The following PHYHIPL variants were observed in gnomAD, a reference collection of about 807,000 sequenced individuals.
PHYHIPL encodes phytanoyl-CoA 2-hydroxylase interacting protein like.
In PHYHIPL, 9 loss-of-function variants were observed where a neutral mutation model predicts 33.4. The ratio of observed to expected loss-of-function variants is 0.27; its 90% CI spans 0.16 to 0.47. The LOEUF (loss-of-function observed/expected upper bound fraction) is 0.47, where lower values mean the gene tolerates loss of function less well. Among genes scored for constraint, PHYHIPL ranks in the 20% least tolerant of loss-of-function variants. PHYHIPL has a pLI of 0.99. For missense variants in PHYHIPL, 365 were observed against 460.7 expected, an observed-to-expected ratio of 0.79 and a Z score of 1.90; for synonymous variants, 153 against 154.1, an observed-to-expected ratio of 0.99 and a Z score of 0.05.
intron 1 of PHYHIPL, among the ~76,000 whole-genome samples, chr10:59,212,465 C>T (rs1390182328): frequency 2.0e-5 from 3 of 152,162 alleles, no homozygotes; most frequent in Admixed American, 6.5e-5. Context: ...ACAAGTAGCC[C>T]AGTCTCAGGC....
At chr10:59,205,641 C>G (rs2133227816) in intron 1 of PHYHIPL, among the ~76,000 whole-genome samples, 1 of 152,226 alleles carries the variant, frequency 6.6e-6, no homozygotes, top group East Asian at 1.9e-4. Flanking sequence ...CATCATCCTA[C>G]TTCAGCTAAT....
intron 4 of PHYHIPL, among the ~76,000 whole-genome samples, chr10:59,239,235 GACTT>G (rs1237608825): frequency 1.3e-5 from 2 of 151,962 alleles, no homozygotes; most frequent in Non-Finnish European, 2.9e-5. Flanking sequence ...AAGTTTGTTG[GACTT>G]ACAGTTCCAC....
chr10:59,209,307 A>G (rs1839379277), intron 1 of PHYHIPL, among the ~76,000 whole-genome samples: 1 of 152,128 alleles, frequency 6.6e-6, no homozygotes, highest in Non-Finnish European at 1.5e-5. Flanking sequence ...TTCAATCCAG[A>G]ATTTCATATC....
chr10:59,173,958 T>G (rs1838210281), upstream of PHYHIPL, among the ~76,000 whole-genome samples: 1 of 131,040 alleles, frequency 7.6e-6, no homozygotes, highest in African/African-American at 3.3e-5. Context: ...TTTTTTTTTT[T>G]TTGGGGAGGA....
chr10:59,181,364 A>T (rs1356615110), intron 1 of PHYHIPL, among the ~76,000 whole-genome samples: 1 of 152,142 alleles, frequency 6.6e-6, no homozygotes. Context: ...ATAATCTGTA[A>T]ATTCTGAATT....
chr10:59,184,831 G>T (rs1838525866), intron 1 of PHYHIPL, among the ~76,000 whole-genome samples: 1 of 145,532 alleles, frequency 6.9e-6, no homozygotes, highest in African/African-American at 2.5e-5. Flanking sequence ...CCAGGTGTGT[G>T]ATGTTCCCCT....
chr10:59,234,588 A>G (rs1054631923), intron 2 of PHYHIPL, 88 bp downstream of exon 2: 1 of 903,188 alleles, frequency 1.1e-6, no homozygotes, highest in Non-Finnish European at 1.6e-6. Context: ...ATATTCTATT[A>G]ATGGCTTATG....
At position 59,233,915 on chromosome 10, in the gene PHYHIPL, C is replaced by T. The variant is rs116096294; in HGVS notation, c.107-389C>T. ...AAAGAGGAGGGGGAATTTTTATAGACTGTCACTGCTAGGTCATGGACTTTT... is the reference window on the plus strand; with the variant it reads ...AAAGAGGAGGGGGAATTTTTATAGATTGTCACTGCTAGGTCATGGACTTTT... On this transcript the variant is annotated intron_variant, in intron 1 of 4. Transcript: ENST00000373880. Among the ~76,000 whole-genome samples, 1,446 of 151,834 alleles carry T rather than the reference C, an allele frequency of 9.5e-3. 5 individuals are homozygous for T. Among genetic ancestry groups the T allele is most frequent in the Admixed American group, 0.02 (311 of 15,218 alleles).
chr10:59,226,516 G>A (rs1480675881), intron 1 of PHYHIPL, among the ~76,000 whole-genome samples: 1 of 152,056 alleles, frequency 6.6e-6, no homozygotes, highest in African/African-American at 2.4e-5. Flanking sequence ...TGGTGGTGGT[G>A]GTGGAATCAT....
chr10:59,182,328 T>C (rs1323562910), intron 1 of PHYHIPL, among the ~76,000 whole-genome samples: 1 of 152,196 alleles, frequency 6.6e-6, no homozygotes, highest in Non-Finnish European at 1.5e-5. Flanking sequence ...TTTTTAAACT[T>C]TAAAATATTT....
chr10:59,239,538 T>C (rs1385936752), intron 4 of PHYHIPL, among the ~76,000 whole-genome samples: 1 of 152,042 alleles, frequency 6.6e-6, no homozygotes, highest in Non-Finnish European at 1.5e-5. Flanking sequence ...TCAGCTGTTA[T>C]CTTGAATTAA....
At position 59,198,385 on chromosome 10, in the gene PHYHIPL, A is replaced by G. The variant is rs190351356; in HGVS notation, c.106+21426A>G. 5.7e-3 allele frequency among the ~76,000 whole-genome samples: 868 copies of G among 152,198 alleles called. 13 individuals carry two copies. Among genetic ancestry groups the G allele is most frequent in the African/African-American group, 0.02 (821 of 41,518 alleles). ...ATGTCCCTACAAAGGACATGAACTC[A>G]TCATTTTTTATGGCTGCATAGTATT... On this transcript the variant is annotated intron_variant, in intron 1 of 4. Coordinates refer to ENST00000373880, the MANE Select transcript of PHYHIPL (RefSeq NM_032439.4).
chr10:59,235,837 G>A (rs1392640962), intron 2 of PHYHIPL, among the ~76,000 whole-genome samples: 3 of 151,948 alleles, frequency 2.0e-5, no homozygotes, highest in Non-Finnish European at 4.4e-5. Context: ...AAACTTTTCT[G>A]TGACACATAG....
chr10:59,240,351 C>A (rs1840355903), intron 4 of PHYHIPL, among the ~76,000 whole-genome samples: 1 of 151,942 alleles, frequency 6.6e-6, no homozygotes, highest in Non-Finnish European at 1.5e-5. Context: ...CCTGTTAAAC[C>A]CATTGTAAGT....
At chr10:59,173,682 C>T (rs571240690), upstream of PHYHIPL, among the ~76,000 whole-genome samples, 35 of 152,236 alleles carry the variant, frequency 2.3e-4, 2 homozygotes, top group South Asian at 7.0e-3. Context: ...ATCTTATGAC[C>T]TTCAGTTAAA....
At chr10:59,194,534 A>G (rs1312142478) in intron 1 of PHYHIPL, among the ~76,000 whole-genome samples, 14 of 152,160 alleles carry the variant, frequency 9.2e-5, no homozygotes, top group Admixed American at 9.2e-4. Flanking sequence ...GCACTGTGAA[A>G]TGCTGATGTG....
At chr10:59,183,365 C>CT (rs1838466639) in intron 1 of PHYHIPL, among the ~76,000 whole-genome samples, 1 of 152,110 alleles carries the variant, frequency 6.6e-6, no homozygotes, top group African/African-American at 2.4e-5. Context: ...TGTTTCAAAT[C>CT]TAACATTAAG....
At chr10:59,174,860 T>A (rs1370538120), upstream of PHYHIPL, among the ~76,000 whole-genome samples, 1 of 152,238 alleles carries the variant, frequency 6.6e-6, no homozygotes, top group African/African-American at 2.4e-5. Flanking sequence ...TCAATATATA[T>A]CTTTCTTGAT....
chr10:59,247,338 T>C lies in PHYHIPL; in HGVS notation c.*1747T>C, dbSNP rs1246790722. 2.7e-6 allele frequency: 1 copy of C among 366,330 alleles called. No individual in the cohort carries two copies. The highest frequency in any genetic ancestry group is 2.2e-5 in the African/African-American group (1 of 46,220). The allele number at this position is 366,330 out of a possible 1,614,324, so 22.7% of individuals were successfully genotyped here. On this transcript the variant is annotated 3_prime_UTR_variant, in exon 5 of 5. Transcript: ENST00000373880. ...TTTAGATTTGATAAAATATTAGACA[T>C]TTTTAAAAATACTTGTATTGACTAT...
Sources: allele counts gnomAD v4.1 joint callset (sites outside exome capture counted in the v4.1 genomes callset), GRCh38; gene constraint gnomAD v4.1.1; transcripts MANE v1.5; gene names NCBI Gene and HGNC (gene_info 2026-07-23, HGNC 2026-07-21).